SV2B: variants seen among roughly 807,000 people sequenced by gnomAD.
SV2B encodes the protein solute carrier family 22 member B2.
SV2B carries 41 observed loss-of-function variants against 73.9 expected under a neutral mutation model. That is an observed-to-expected ratio of 0.56 (90% confidence interval 0.43 to 0.72). SV2B has a LOEUF of 0.72. Ranked by LOEUF, SV2B falls within the 30% of genes least tolerant of loss-of-function variation. SV2B has a pLI of 0.00. For missense variants in SV2B, 764 were observed against 857.8 expected (o/e 0.89, Z 1.37); for synonymous variants, 314 against 314.2 (o/e 1.00, Z 0.01).
chr15:91,138,260 G>A (rs965268946), intron 1 of SV2B, among the ~76,000 whole-genome samples: 2 of 152,204 alleles, frequency 1.3e-5, no homozygotes, highest in East Asian at 1.9e-4. Context: ...ACAGTCTAAC[G>A]TAGTAGCCAG....
intron 6 of SV2B, among the ~76,000 whole-genome samples, chr15:91,264,353 T>TCA (rs1236844908): frequency 1.3e-5 from 2 of 152,226 alleles, no homozygotes; most frequent in Admixed American, 6.5e-5. Context: ...GATTCATCAG[T>TCA]CAGGTAGCTC....
chr15:91,215,897 A>C (rs1395823087), intron 1 of SV2B, among the ~76,000 whole-genome samples: 1 of 152,194 alleles, frequency 6.6e-6, no homozygotes, highest in African/African-American at 2.4e-5. Flanking sequence ...GAAAATTCAG[A>C]CTAAGTCTGA....
At chr15:91,196,873 C>T (rs8038323) in intron 1 of SV2B, among the ~76,000 whole-genome samples, 4 of 151,940 alleles carry the variant, frequency 2.6e-5, no homozygotes, top group African/African-American at 7.3e-5. Flanking sequence ...CTGAGGTTCT[C>T]GCCAAGCAGG....
chr15:91,235,006 C>G (rs995800700), intron 2 of SV2B, among the ~76,000 whole-genome samples: 1 of 152,148 alleles, frequency 6.6e-6, no homozygotes, highest in African/African-American at 2.4e-5. Context: ...GGTCCTCAAG[C>G]TTGTTCTGTG....
Position 91,100,334 on chromosome 15 carries a change from G to A in SV2B, c.-421G>A, listed in dbSNP as rs2041686790. 6.6e-6 allele frequency: 1 copy of A among 152,268 alleles called. No individual in the cohort carries two copies. Among genetic ancestry groups the A allele is most frequent in the African/African-American group, 2.4e-5 (1 of 41,468 alleles). 9.4% of individuals were successfully genotyped at this position (152,268 alleles called of 1,614,324 possible). ...GCGGACGCTGCTCTGCCTGCATCCGGAGGCGGCCGCCAGCGGATTTGCCAC... is the reference window on the plus strand; with the variant it reads ...GCGGACGCTGCTCTGCCTGCATCCGAAGGCGGCCGCCAGCGGATTTGCCAC... On this transcript the variant is annotated 5_prime_UTR_variant, in exon 1 of 13. Transcript: ENST00000394232. The surrounding 1 kb of genome is among the most constrained non-coding windows in gnomAD (Gnocchi z 6.4).
At chr15:91,148,668 A>G (rs1053453481) in intron 1 of SV2B, among the ~76,000 whole-genome samples, 1 of 152,228 alleles carries the variant, frequency 6.6e-6, no homozygotes, top group African/African-American at 2.4e-5. Context: ...TATTATATAT[A>G]TGAAGAATTG....
chr15:91,130,540 G>A lies in SV2B; in HGVS notation c.-392+30177G>A, dbSNP rs2042610108. On this transcript the variant is annotated intron_variant, in intron 1 of 12. Coordinates refer to ENST00000394232, the MANE Select transcript of SV2B (RefSeq NM_001323032.3). The surrounding 1 kb of genome is among the most constrained non-coding windows in gnomAD (Gnocchi z 5.6). ...GAGAGAAGCAGCTGCATTTGGGGAG[G>A]AAGGAGAAGAGTCAGGAGAAAGCTG... 6.6e-6 allele frequency among the ~76,000 whole-genome samples: 1 copy of A among 152,152 alleles called. No individual in the cohort carries two copies. The highest frequency in any genetic ancestry group is 6.5e-5 in the Admixed American group (1 of 15,284).
At chr15:91,263,667 CACAG>C (rs138755219) in intron 6 of SV2B, among the ~76,000 whole-genome samples, 3,258 of 152,032 alleles carry the variant, frequency 0.021, 71 homozygotes, top group East Asian at 0.093. Context: ...CACAGGCACA[CACAG>C]ACACACAGAG....
At chr15:91,246,166 A>C (rs973930317) in intron 2 of SV2B, among the ~76,000 whole-genome samples, 1 of 152,100 alleles carries the variant, frequency 6.6e-6, no homozygotes, top group African/African-American at 2.4e-5. Context: ...CTTCTTCTCC[A>C]GGTAAGGAGA....
In SV2B at chr15:91,288,338, G is replaced by A. The variant is rs1419680905; in HGVS notation, c.1709-1183G>A. Among the ~76,000 whole-genome samples the A allele has an allele frequency of 1.3e-5, 2 of 152,020 alleles. No homozygotes were observed. The highest frequency in any genetic ancestry group is 6.5e-5 in the Admixed American group (1 of 15,268). Reference sequence around the variant, plus strand: ...ATGTGATATTTTCATGCATATATACGATGTGGAATGATTAAGTCAAGCTAA... The same window carrying A: ...ATGTGATATTTTCATGCATATATACAATGTGGAATGATTAAGTCAAGCTAA... On this transcript the variant is annotated intron_variant, in intron 11 of 12. Coordinates refer to ENST00000394232, the MANE Select transcript of SV2B (RefSeq NM_001323032.3). The surrounding 1 kb of genome is among the most constrained non-coding windows in gnomAD (Gnocchi z 5.8).
intron 1 of SV2B, among the ~76,000 whole-genome samples, chr15:91,205,041 C>A (rs1314156933): frequency 6.6e-6 from 1 of 152,164 alleles, no homozygotes; most frequent in African/African-American, 2.4e-5. Flanking sequence ...CTGAAATAAG[C>A]ATGTGTTAAA....
intron 1 of SV2B, among the ~76,000 whole-genome samples, chr15:91,103,330 T>C (rs773293771): frequency 5.3e-5 from 8 of 152,200 alleles, no homozygotes; most frequent in Non-Finnish European, 1.2e-4. Context: ...CTTAGTATTA[T>C]GATTTTTTGT....
chr15:91,221,562 T>C (rs1483942911), intron 1 of SV2B, among the ~76,000 whole-genome samples: 1 of 152,106 alleles, frequency 6.6e-6, no homozygotes, highest in Non-Finnish European at 1.5e-5. Context: ...TCTCGGCCTT[T>C]CCTTCTCACC....
rs1216270652 is a variant in SV2B, at chr15:91,296,670, T to G, written c.*4118T>G. On this transcript the variant is annotated 3_prime_UTR_variant, in exon 13 of 13. Transcript: ENST00000394232. The stretch of plus-strand genomic sequence containing the variant: ...TGCCTGATCGTTGGGAGCACACCCC[T>G]TCTGCCTGATCATTGGGAGCACACT... The G allele has an allele frequency of 6.6e-6, 1 of 152,094 alleles. No individual in the cohort carries two copies. Among genetic ancestry groups the G allele is most frequent in the Non-Finnish European group, 1.4e-5 (1 of 69,156 alleles). The allele number at this position is 152,094 out of a possible 1,614,324, so 9.4% of individuals were successfully genotyped here. A position where few individuals can be genotyped will look rare whatever the true frequency, so the allele number is the denominator to read the frequency against.
In SV2B at chr15:91,284,281, G is replaced by A. The variant is rs2048786892; in HGVS notation, c.1708+60G>A. ...CGCGCTGGGGTGGTGACTTTCAAGT[G>A]TATTAAACAGGGAAATTTTCCCTTT... On this transcript the variant is annotated intron_variant, in intron 11 of 12. Coordinates refer to ENST00000394232, the MANE Select transcript of SV2B (RefSeq NM_001323032.3). This position sits in a 1 kb window ranked among gnomAD's most constrained non-coding sequence, Gnocchi z 4.5. 1.3e-6 allele frequency: 2 copies of A among 1,553,142 alleles called. No homozygotes were observed. Among genetic ancestry groups the A allele is most frequent in the East Asian group, 2.3e-5 (1 of 44,400 alleles).
At position 91,268,759 on chromosome 15, in the gene SV2B, C is replaced by T. The variant is rs755901386; in HGVS notation, c.1373+154C>T. Among the ~76,000 whole-genome samples the T allele has an allele frequency of 3.9e-5, 6 of 152,288 alleles. No homozygotes were observed. Among genetic ancestry groups the T allele is most frequent in the African/African-American group, 7.2e-5 (3 of 41,564 alleles). ...CACAACCTGTCATGGCTGCCAGTGA[C>T]GCCATAGCTCCCCTAGTGGCTGTGT... On this transcript the variant is annotated intron_variant, in intron 9 of 12. Coordinates refer to ENST00000394232, the MANE Select transcript of SV2B (RefSeq NM_001323032.3). The surrounding 1 kb of genome is among the most constrained non-coding windows in gnomAD (Gnocchi z 4.4).
At chr15:91,131,153 T>TTC (rs1437537380) in intron 1 of SV2B, among the ~76,000 whole-genome samples, 1 of 148,426 alleles carries the variant, frequency 6.7e-6, no homozygotes, top group African/African-American at 2.5e-5. Context: ...TCTTGTTTTT[T>TTC]TTTTTTTTTT....
At position 91,220,436 on chromosome 15, in the gene SV2B, A is replaced by C. The variant is rs2046175812; in HGVS notation, c.-391-5437A>C. Among the ~76,000 whole-genome samples, 1 of 152,254 alleles carries C rather than the reference A, an allele frequency of 6.6e-6. No homozygotes were observed. The highest frequency in any genetic ancestry group is 1.5e-5 in the Non-Finnish European group (1 of 68,040). On this transcript the variant is annotated intron_variant, in intron 1 of 12. Coordinates refer to ENST00000394232, the MANE Select transcript of SV2B (RefSeq NM_001323032.3). This position sits in a 1 kb window ranked among gnomAD's most constrained non-coding sequence, Gnocchi z 4.1. ...AGAAGATGCAGTGTTTCCCAAACTT[A>C]CTTGCTCTTGGAATTCTATTTTTCA...
rs2042367713 is a variant in SV2B, at chr15:91,122,489, CCT to C, written c.-392+22128_-392+22129del. Among the ~76,000 whole-genome samples, 1 of 152,202 alleles carries C rather than the reference CCT, an allele frequency of 6.6e-6. No individual in the cohort carries two copies. The highest frequency in any genetic ancestry group is 1.5e-5 in the Non-Finnish European group (1 of 68,030). ...CTATGCCTTGTAAGCCATTTGGACA[CCT>C]CACCCTGCTTCTCCTTCTCTGCCAA... is the stretch of plus-strand genomic sequence containing the variant. On this transcript the variant is annotated intron_variant, in intron 1 of 12. Coordinates refer to ENST00000394232, the MANE Select transcript of SV2B (RefSeq NM_001323032.3). This position sits in a 1 kb window ranked among gnomAD's most constrained non-coding sequence, Gnocchi z 4.3.
Sources: gnomAD v4.1 joint callset for allele counts (sites outside exome capture counted in the v4.1 genomes callset) on GRCh38, gnomAD v4.1.1 for gene constraint, Gnocchi (gnomAD v3.1) non-coding constraint, MANE v1.5 for transcripts, NCBI Gene and HGNC (gene_info 2026-07-23, HGNC 2026-07-21) for gene names.